Variants in COPA observed in about 807,000 individuals in gnomAD.
COPA encodes coat protein complex I subunit alpha, also known as coatomer subunit alpha.
COPA carries 10 observed loss-of-function variants against 158.7 expected under a neutral mutation model. The ratio of observed to expected loss-of-function variants is 0.06; its 90% CI spans 0.04 to 0.11. The LOEUF is 0.11. COPA is among the 10% of genes least tolerant of loss of function. The pLI is 1.00. For missense variants in COPA, 1,065 were observed against 1,536.7 expected (o/e 0.69, Z 5.13); for synonymous variants, 462 against 542.8 (o/e 0.85, Z 2.07).
chr1:160,300,695 G>A (rs1658573032), intron 17 of COPA, among the ~76,000 whole-genome samples: 1 of 152,090 alleles, frequency 6.6e-6, no homozygotes, highest in Non-Finnish European at 1.5e-5. Context: ...AAAATTACAG[G>A]TAATCTCACT....
chr1:160,295,343 T>C (rs1658364736), intron 23 of COPA, among the ~76,000 whole-genome samples: 1 of 152,064 alleles, frequency 6.6e-6, no homozygotes, highest in Non-Finnish European at 1.5e-5. Context: ...TGGTGGAGGG[T>C]GATAGCACAC....
Position 160,333,547 on chromosome 1 carries a change from T to C in COPA, c.386+56A>G, listed in dbSNP as rs1332080340. 2.0e-5 allele frequency: 25 copies of C among 1,262,774 alleles called. No homozygotes were observed. In the Admixed American group the frequency reaches 4.3e-4, roughly 22 times the overall value. 78.2% of individuals were successfully genotyped at this position (1,262,774 alleles called of 1,614,324 possible). On this transcript the variant is annotated intron_variant, in intron 5 of 32. Transcript: ENST00000241704. Reference sequence around the variant, plus strand: ...GAAGATTGTTCTAAGAGAAGCTCATTATGAAAAACTAGGAAAAATGAAGAC... The same window carrying C: ...GAAGATTGTTCTAAGAGAAGCTCATCATGAAAAACTAGGAAAAATGAAGAC...
At chr1:160,304,141 A>G (rs1221067071) in intron 17 of COPA, among the ~76,000 whole-genome samples, 2 of 151,582 alleles carry the variant, frequency 1.3e-5, no homozygotes, top group Non-Finnish European at 2.9e-5. Flanking sequence ...CAGCCTCCGG[A>G]GTAGCTGGGA....
chr1:160,300,449 G>C (rs1305205268), intron 17 of COPA, among the ~76,000 whole-genome samples: 6 of 151,454 alleles, frequency 4.0e-5, no homozygotes. Flanking sequence ...AAAATAAATA[G>C]AAAACACCTA....
intron 31 of COPA, 90 bp downstream of exon 31, chr1:160,291,236 TTATTTATTG>T: frequency 3.0e-6 from 4 of 1,327,646 alleles, no homozygotes; most frequent in Non-Finnish European, 4.2e-6. Context: ...TTGAATGTTG[TTATTTATTG>T]CTTTGTTTCA....
chr1:160,325,652 C>A lies in COPA; in HGVS notation c.497G>T (p.Gly166Val), dbSNP rs1424434292. 8 of 1,611,718 alleles carry A rather than the reference C, an allele frequency of 5.0e-6. No individual in the cohort carries two copies. Among genetic ancestry groups the A allele is most frequent in the Non-Finnish European group, 6.8e-6 (8 of 1,178,078 alleles). Residue 166 changes from glycine (G) to valine (V), a missense_variant and splice_region_variant, in exon 7 of 33, where the codon GGT (glycine) becomes GTT (valine). Around this residue, in one of 2 missense-constraint regions of COPA, gnomAD observed 980 missense variants for 1,357.8 expected, o/e 0.72. Transcript: ENST00000241704. ...DQTVRVWDIS[G>V]LRKKNLSPGA... ...AGGGGACAGGTTTTTTTTCCTCAGA[C>A]CTTTGAAGGGATAAGGAGTGGGATG...
intron 23 of COPA, among the ~76,000 whole-genome samples, chr1:160,295,316 G>T (rs765370590): frequency 6.6e-6 from 1 of 152,166 alleles, no homozygotes; most frequent in African/African-American, 2.4e-5. Context: ...AAAACAGGAG[G>T]AGGTTAAGGG....
intron 8 of COPA, among the ~76,000 whole-genome samples, chr1:160,319,914 CAA>C (rs80269064): frequency 3.2e-4 from 24 of 75,550 alleles, no homozygotes; most frequent in African/African-American, 7.3e-4. Flanking sequence ...ACACCTATGT[CAA>C]AAAAAAAAAA....
chr1:160,334,983 T>A (rs2101874445), intron 4 of COPA, among the ~76,000 whole-genome samples: 1 of 152,294 alleles, frequency 6.6e-6, no homozygotes, highest in South Asian at 2.1e-4. Context: ...AAATCTGAAA[T>A]CAAATCCCTA....
intron 12 of COPA, among the ~76,000 whole-genome samples, chr1:160,309,865 G>T (rs942216779): frequency 2.0e-5 from 3 of 151,134 alleles, no homozygotes; most frequent in African/African-American, 7.3e-5. Context: ...TTCACCCAAA[G>T]GAAGGGATCA....
intron 25 of COPA, 57 bp from the exon 26 acceptor site, chr1:160,293,520 G>A: frequency 6.1e-6 from 8 of 1,312,090 alleles, no homozygotes; most frequent in Non-Finnish European, 8.4e-6. Context: ...TTTGAGACAG[G>A]GTCACACTCT....
chr1:160,342,696 G>A (rs1258633938), intron 1 of COPA, among the ~76,000 whole-genome samples: 1 of 152,192 alleles, frequency 6.6e-6, no homozygotes, highest in Non-Finnish European at 1.5e-5. Context: ...CTCCTTAAGT[G>A]AGGTTGCCAC....
chr1:160,342,194 T>G (rs1402588500), intron 1 of COPA, among the ~76,000 whole-genome samples: 1 of 152,200 alleles, frequency 6.6e-6, no homozygotes, highest in Non-Finnish European at 1.5e-5. Flanking sequence ...CTTAGAGACA[T>G]TAAGTAAGTC....
intron 8 of COPA, among the ~76,000 whole-genome samples, chr1:160,318,849 G>A (rs1283683706): frequency 6.6e-6 from 1 of 151,348 alleles, no homozygotes; most frequent in Non-Finnish European, 1.5e-5. Flanking sequence ...GAATCTCATG[G>A]TAATTACAGC....
rs775562836 is a variant in COPA, at chr1:160,290,587, G to A, written c.3520C>T (p.Arg1174Trp). The change falls in exon 32 of 33, where the codon CGG becomes TGG. Residue 1174 changes from arginine (R) to tryptophan (W), a missense_variant. Coordinates refer to ENST00000241704, the MANE Select transcript of COPA (RefSeq NM_004371.4). ...NPFDICAASY[R>W]PIYRGKPVEK... ...ACTGGCTTTCCACGGTAGATGGGCC[G>A]ATATGATGCAGCACAAATGTCAAAG... 1.2e-5 allele frequency: 20 copies of A among 1,614,052 alleles called. No individual in the cohort carries two copies. The Admixed American group carries it at 2.5e-4, about 20-fold the overall frequency.
intron 25 of COPA, 118 bp downstream of exon 25, chr1:160,294,366 T>G: frequency 1.2e-6 from 1 of 826,122 alleles, no homozygotes. Context: ...GGGCTGACCT[T>G]AGGATAGTGG....
chr1:160,305,143 G>A lies in COPA; in HGVS notation c.1667+290C>T, dbSNP rs545367559. 5.0e-5 allele frequency: 12 copies of A among 237,648 alleles called. No individual in the cohort carries two copies. The East Asian group carries it at 5.2e-4, about 10-fold the overall frequency. The allele number at this position is 237,648 out of a possible 1,614,324, so 14.7% of individuals were successfully genotyped here. A position where few individuals can be genotyped will look rare whatever the true frequency, so the allele number is the denominator to read the frequency against. On this transcript the variant is annotated intron_variant, in intron 17 of 32. Coordinates refer to ENST00000241704, the MANE Select transcript of COPA (RefSeq NM_004371.4). The stretch of plus-strand genomic sequence containing the variant: ...TGTGACCACGTGGCAAAGGGCTTCT[G>A]GGGTGCCGGAACTGTTCTATTTTTT...
At chr1:160,316,750 CAAAAA>C (rs550170815) in intron 8 of COPA, among the ~76,000 whole-genome samples, 1 of 92,400 alleles carries the variant, frequency 1.1e-5, no homozygotes, top group Non-Finnish European at 2.4e-5. Context: ...AATTCTGTCT[CAAAAA>C]AAAAAAAAAA....
At chr1:160,318,479 AAAAAAAAAAAAAC>A (rs1360440608) in intron 8 of COPA, among the ~76,000 whole-genome samples, 2,752 of 72,150 alleles carry the variant, frequency 0.038, 47 homozygotes, top group Non-Finnish European at 0.046. Flanking sequence ...AAAAAAAAAA[AAAAAAAAAAAAAC>A]AAAAAAAAAA....
Sources: allele counts gnomAD v4.1 joint callset (sites outside exome capture counted in the v4.1 genomes callset), GRCh38; gene constraint gnomAD v4.1.1; regional missense constraint gnomAD v4.1.1; transcripts MANE v1.5; gene names NCBI Gene and HGNC (gene_info 2026-07-23, HGNC 2026-07-21).